Variants in GPC3 observed in about 807,000 individuals in gnomAD.
The protein encoded by GPC3 is glypican 3.
In GPC3, 3 loss-of-function variants were observed where a neutral mutation model predicts 34.4. The observed-to-expected ratio is 0.09, with a 90% confidence interval of 0.04 to 0.23. The LOEUF is 0.23. GPC3 is among the 10% of genes least tolerant of loss of function. GPC3 has a pLI of 1.00. For synonymous variants in GPC3, 177 were observed against 174.0 expected (o/e 1.02, Z -0.13); for missense variants, 351 against 445.6 (o/e 0.79, Z 1.91).
At chrX:133,832,744 A>T (rs1253864549) in intron 2 of GPC3, among the ~76,000 whole-genome samples, 1 of 112,306 alleles carries the variant, frequency 8.9e-6, no homozygotes. Context: ...AGTTTCTTAC[A>T]GTAGCTAAAG....
chrX:133,771,286 G>A (rs2071916716), intron 2 of GPC3, among the ~76,000 whole-genome samples: 1 of 112,726 alleles, frequency 8.9e-6, no homozygotes, highest in Non-Finnish European at 1.9e-5. Flanking sequence ...CTGTAATTTG[G>A]CAATGTGCCT....
intron 7 of GPC3, among the ~76,000 whole-genome samples, chrX:133,559,456 ACT>A (rs768937668): frequency 1.9e-4 from 21 of 111,034 alleles, no homozygotes; most frequent in Non-Finnish European, 3.0e-4. Context: ...ATCTCAAGGA[ACT>A]CTCTATCTTG....
chrX:133,810,599 G>A (rs900413871), intron 2 of GPC3, among the ~76,000 whole-genome samples: 2 of 111,477 alleles, frequency 1.8e-5, no homozygotes, highest in South Asian at 3.8e-4. Context: ...AGTGAGGCAC[G>A]GGAAGTAGTT....
intron 4 of GPC3, among the ~76,000 whole-genome samples, chrX:133,699,320 C>A (rs748487343): frequency 1.7e-4 from 19 of 111,974 alleles, no homozygotes; most frequent in African/African-American, 5.8e-4. Context: ...ATTTCTACCC[C>A]TTTATTGTAA....
At chrX:133,558,895 ATAAG>A (rs201130203) in intron 7 of GPC3, among the ~76,000 whole-genome samples, 1 of 101,987 alleles carries the variant, frequency 9.8e-6, no homozygotes, top group Non-Finnish European at 1.9e-5. Context: ...TGTCTCAAAA[ATAAG>A]TAAGTAAATA....
rs748458384 is a variant in GPC3 at position 133,753,988 on chromosome X, G to T, written c.526C>A (p.Pro176Thr). ...TTCATTAGCTGGGTATAGATGACTG[G>T]AAACAGGCTGTCAAACAATTCATTG... ...MVNELFDSLFPVIYTQLMNPG... is the reference protein window; with the variant it reads ...MVNELFDSLFTVIYTQLMNPG... The change falls in exon 3 of 8, where the codon CCA becomes ACA. Residue 176 changes from proline (P) to threonine (T), a missense_variant. Transcript: ENST00000370818. 8.3e-7 allele frequency: 1 copy of T among 1,211,089 alleles called. No homozygotes were observed. Among genetic ancestry groups the T allele is most frequent in the Admixed American group, 2.2e-5 (1 of 45,976 alleles).
At chrX:133,957,122 G>A (rs1053955933) in intron 1 of GPC3, among the ~76,000 whole-genome samples, 1 of 111,670 alleles carries the variant, frequency 9.0e-6, no homozygotes, top group African/African-American at 3.3e-5. Context: ...CCAAATATAA[G>A]TGGATATGTT....
chrX:133,753,501 G>A lies in GPC3; in HGVS notation c.1013C>T (p.Ala338Val). 8.3e-7 allele frequency: 1 copy of A among 1,207,694 alleles called. No homozygotes were observed. Among genetic ancestry groups the A allele is most frequent in the Non-Finnish European group, 1.1e-6 (1 of 891,951 alleles). ...ACTCACAGTGGTGGTCAGCTTTCCT[G>A]CATTCTTCTGGACATACTGGATAGA... is the stretch of plus-strand genomic sequence containing the variant. ...HDSIQYVQKN[A>V]GKLTTTIGKL... The change falls in exon 3 of 8, where the codon GCA becomes GTA. Residue 338 changes from alanine to valine, a missense_variant. Coordinates refer to ENST00000370818, the MANE Select transcript of GPC3 (RefSeq NM_004484.4).
At chrX:133,938,060 G>A (rs1300524797) in intron 2 of GPC3, among the ~76,000 whole-genome samples, 1 of 111,889 alleles carries the variant, frequency 8.9e-6, no homozygotes, top group Non-Finnish European at 1.9e-5. Context: ...CAAATAGGAT[G>A]TTTTCCTGGA....
intron 7 of GPC3, among the ~76,000 whole-genome samples, chrX:133,570,979 C>T (rs936147048): frequency 1.8e-5 from 2 of 111,506 alleles, no homozygotes; most frequent in Admixed American, 1.9e-4. Context: ...TTTATTATCG[C>T]ACAGCTTTAT....
intron 2 of GPC3, among the ~76,000 whole-genome samples, chrX:133,930,335 C>T (rs1245101285): frequency 8.9e-6 from 1 of 112,078 alleles, no homozygotes; most frequent in Non-Finnish European, 1.9e-5. Context: ...CTACAATGCA[C>T]AGGACAACCT....
chrX:133,664,793 T>G (rs1419946865), intron 5 of GPC3, among the ~76,000 whole-genome samples: 1 of 88,140 alleles, frequency 1.1e-5, no homozygotes, highest in African/African-American at 4.4e-5. Context: ...ATAAAACAAT[T>G]AAGAAACCGA....
At chrX:133,891,313 C>A (rs1003745529) in intron 2 of GPC3, among the ~76,000 whole-genome samples, 1 of 111,210 alleles carries the variant, frequency 9.0e-6, no homozygotes, top group African/African-American at 3.3e-5. Flanking sequence ...GGGTGATTAG[C>A]TAAAGTGTAT....
chrX:133,895,614 C>T (rs1002703093), intron 2 of GPC3, among the ~76,000 whole-genome samples: 3 of 111,490 alleles, frequency 2.7e-5, no homozygotes, highest in Non-Finnish European at 5.6e-5. Flanking sequence ...ATTAGGCCCT[C>T]AGATAACAGG....
intron 1 of GPC3, among the ~76,000 whole-genome samples, chrX:133,979,398 C>A (rs1368959707): frequency 8.9e-6 from 1 of 112,068 alleles, no homozygotes; most frequent in Non-Finnish European, 1.9e-5. Context: ...AAAAATGAAT[C>A]TCTTAGTAAT....
At chrX:133,605,436 GTTTGTAATTCTATAT>G (rs1395162158) in intron 6 of GPC3, among the ~76,000 whole-genome samples, 1 of 112,109 alleles carries the variant, frequency 8.9e-6, no homozygotes, top group Non-Finnish European at 1.9e-5. Flanking sequence ...ACTTTCCACT[GTTTGTAATTCTATAT>G]TCCCTGTTGC....
chrX:133,861,203 A>G (rs971220816), intron 2 of GPC3, among the ~76,000 whole-genome samples: 1 of 111,789 alleles, frequency 8.9e-6, no homozygotes, highest in East Asian at 2.8e-4. Flanking sequence ...AGATAATCAC[A>G]TCCTAGTAAG....
chrX:133,913,247 A>G, intron 2 of GPC3, among the ~76,000 whole-genome samples: 1 of 111,879 alleles, frequency 8.9e-6, no homozygotes, highest in Non-Finnish European at 1.9e-5. Context: ...ATCACAAAGG[A>G]GAGAAGGAAT....
At chrX:133,592,607 G>A (rs1328523882) in intron 7 of GPC3, among the ~76,000 whole-genome samples, 1 of 110,341 alleles carries the variant, frequency 9.1e-6, no homozygotes, top group Non-Finnish European at 1.9e-5. Context: ...ATGGAACCTG[G>A]GAGCCATTGT....
Sources: allele counts gnomAD v4.1 joint callset (sites outside exome capture counted in the v4.1 genomes callset), GRCh38; gene constraint gnomAD v4.1.1; transcripts MANE v1.5; gene names NCBI Gene and HGNC (gene_info 2026-07-23, HGNC 2026-07-21).